Variants in ZBTB20 observed in about 807,000 individuals in gnomAD.
ZBTB20 encodes zinc finger and BTB domain-containing protein 20.
In ZBTB20, 9 loss-of-function variants were observed where a neutral mutation model predicts 56.9. The ratio of observed to expected loss-of-function variants is 0.16; its 90% CI spans 0.10 to 0.28. ZBTB20 has a LOEUF of 0.28. Ranked by LOEUF, ZBTB20 falls within the 10% of genes least tolerant of loss-of-function variation. ZBTB20 has a pLI of 1.00. For missense variants in ZBTB20, 655 were observed against 1,003.0 expected (o/e 0.65, Z 4.69); for synonymous variants, 417 against 420.7 (o/e 0.99, Z 0.11).
At chr3:114,743,417 A>G (rs1444031023) in intron 5 of ZBTB20, 1 of 152,870 alleles carries the variant, frequency 6.5e-6, no homozygotes, top group Non-Finnish European at 1.5e-5. Flanking sequence ...AGAAGTGAAA[A>G]GAAAATGTCT....
chr3:114,524,982 G>C (rs1415277362), intron 6 of ZBTB20, among the ~76,000 whole-genome samples: 1 of 152,114 alleles, frequency 6.6e-6, no homozygotes, highest in East Asian at 1.9e-4. Context: ...CCAAAATGTT[G>C]GGATTACAGG....
intron 6 of ZBTB20, among the ~76,000 whole-genome samples, chr3:114,529,831 T>C (rs1414417855): frequency 6.6e-6 from 1 of 152,250 alleles, no homozygotes; most frequent in Non-Finnish European, 1.5e-5. Flanking sequence ...GTGTAAAGTC[T>C]TTTTCTAAAT....
At chr3:114,555,855 C>T (rs957711690) in intron 6 of ZBTB20, among the ~76,000 whole-genome samples, 7 of 152,074 alleles carry the variant, frequency 4.6e-5, no homozygotes, top group African/African-American at 1.7e-4. Flanking sequence ...AAGCCACAGA[C>T]CCTGCTGACT....
chr3:114,960,114 G>A (rs1028229303), intron 3 of ZBTB20, among the ~76,000 whole-genome samples: 4 of 152,150 alleles, frequency 2.6e-5, no homozygotes, highest in Admixed American at 2.6e-4. Flanking sequence ...GCTTCTTGTG[G>A]CATTAAAGAA....
chr3:114,398,691 T>C (rs2108681252), intron 7 of ZBTB20, among the ~76,000 whole-genome samples: 1 of 152,300 alleles, frequency 6.6e-6, no homozygotes, highest in South Asian at 2.1e-4. Context: ...AAAATTACCA[T>C]TCATAATCAT....
intron 6 of ZBTB20, among the ~76,000 whole-genome samples, chr3:114,689,225 A>G (rs565957242): frequency 2.0e-5 from 3 of 152,316 alleles, no homozygotes; most frequent in African/African-American, 7.2e-5. Flanking sequence ...GCAGTTGTGC[A>G]TGATCCTGTG....
intron 2 of ZBTB20, among the ~76,000 whole-genome samples, chr3:115,019,218 C>T (rs994273396): frequency 9.3e-5 from 14 of 151,162 alleles, no homozygotes; most frequent in Non-Finnish European, 3.0e-5. Flanking sequence ...TTCATCTTGA[C>T]AGAGAAAAAA....
chr3:114,434,316 G>T (rs1427293174), intron 7 of ZBTB20, among the ~76,000 whole-genome samples: 1 of 152,052 alleles, frequency 6.6e-6, no homozygotes, highest in South Asian at 2.1e-4. Context: ...AGCCCCTAAG[G>T]AGTATGAGTT....
chr3:114,616,178 T>C (rs2057928380), intron 6 of ZBTB20, among the ~76,000 whole-genome samples: 1 of 152,200 alleles, frequency 6.6e-6, no homozygotes, highest in Non-Finnish European at 1.5e-5. Flanking sequence ...ATTTCAATTC[T>C]ACCATAATTT....
At chr3:114,995,590 G>GA (rs968572438) in intron 2 of ZBTB20, among the ~76,000 whole-genome samples, 18 of 151,758 alleles carry the variant, frequency 1.2e-4, no homozygotes, top group African/African-American at 3.9e-4. Flanking sequence ...TAGTAACTTT[G>GA]AAAAAATCTC....
At chr3:114,962,736 C>T (rs1295430023) in intron 3 of ZBTB20, among the ~76,000 whole-genome samples, 1 of 151,844 alleles carries the variant, frequency 6.6e-6, no homozygotes, top group African/African-American at 2.4e-5. Flanking sequence ...TGTTGACAAA[C>T]CAAAAAACAT....
rs149570721 is a variant in ZBTB20, at chr3:114,623,589, C to T, written c.-295+69939G>A. On this transcript the variant is annotated intron_variant, in intron 6 of 11. Coordinates refer to ENST00000675478, the MANE Select transcript of ZBTB20 (RefSeq NM_001348800.3). ...ACGTTTAAAAGCAACCAGTTGTTAGCAAAGTGATCTTTAGAACAGTATTAG... is the reference window on the plus strand; with the variant it reads ...ACGTTTAAAAGCAACCAGTTGTTAGTAAAGTGATCTTTAGAACAGTATTAG... 1.0e-3 allele frequency among the ~76,000 whole-genome samples: 153 copies of T among 152,242 alleles called. 1 individual carries two copies. The Middle Eastern group carries it at 0.044, about 44-fold the overall frequency.
chr3:114,624,381 G>A (rs1013987988), intron 6 of ZBTB20, among the ~76,000 whole-genome samples: 6 of 148,984 alleles, frequency 4.0e-5, no homozygotes, highest in East Asian at 2.0e-4. Context: ...AACCCATCCC[G>A]TCCTGCCAGA....
At chr3:114,589,916 C>T (rs946998327) in intron 6 of ZBTB20, among the ~76,000 whole-genome samples, 1 of 152,032 alleles carries the variant, frequency 6.6e-6, no homozygotes, top group African/African-American at 2.4e-5. Context: ...TGGACCTCTC[C>T]CCTTATTTCA....
chr3:114,345,558 A>G (rs1165820245), intron 11 of ZBTB20, among the ~76,000 whole-genome samples: 1 of 152,234 alleles, frequency 6.6e-6, no homozygotes, highest in African/African-American at 2.4e-5. Flanking sequence ...AAAAAATGTT[A>G]TGTAACAAAA....
intron 6 of ZBTB20, among the ~76,000 whole-genome samples, chr3:114,539,094 T>G (rs2048814612): frequency 6.6e-6 from 1 of 152,142 alleles, no homozygotes; most frequent in South Asian, 2.1e-4. Context: ...TCCTCCTTCT[T>G]TTTCATCCTG....
At chr3:114,994,003 T>C (rs780834511) in intron 2 of ZBTB20, among the ~76,000 whole-genome samples, 2 of 151,868 alleles carry the variant, frequency 1.3e-5, no homozygotes, top group Admixed American at 6.6e-5. Flanking sequence ...GGCTAAACCA[T>C]ATTATTTTTT....
chr3:115,115,468 T>C (rs1363615443), intron 1 of ZBTB20, among the ~76,000 whole-genome samples: 4 of 152,100 alleles, frequency 2.6e-5, no homozygotes, highest in African/African-American at 7.2e-5. Context: ...GCAAATATCA[T>C]TGGATGAAAT....
chr3:115,099,050 T>C (rs1413867703), intron 1 of ZBTB20, among the ~76,000 whole-genome samples: 1 of 152,154 alleles, frequency 6.6e-6, no homozygotes, highest in East Asian at 1.9e-4. Context: ...AGAAGTCCAT[T>C]TCAAATGGCC....
Sources: gnomAD v4.1 joint callset for allele counts (sites outside exome capture counted in the v4.1 genomes callset) on GRCh38, gnomAD v4.1.1 for gene constraint, MANE v1.5 for transcripts, NCBI Gene and HGNC (gene_info 2026-07-23, HGNC 2026-07-21) for gene names.